Variants in VDAC1 observed in about 807,000 individuals in gnomAD.
VDAC1 encodes non-selective voltage-gated ion channel VDAC1.
A neutral mutation model predicts 34.7 loss-of-function variants in VDAC1; 10 were observed. The ratio of observed to expected loss-of-function variants is 0.29; its 90% confidence interval spans 0.18 to 0.49. VDAC1 has a LOEUF of 0.49. VDAC1 is among the 20% of genes least tolerant of loss of function. The pLI is 0.99. For synonymous variants in VDAC1, 130 were observed against 136.0 expected (o/e 0.96, Z 0.30); for missense variants, 230 against 347.9 (o/e 0.66, Z 2.69).
At chr5:133,990,751 A>G (rs769128061) in intron 5 of VDAC1, 104 bp downstream of exon 5, 8 of 1,372,334 alleles carry the variant, frequency 5.8e-6, no homozygotes, top group Non-Finnish European at 6.9e-6. Flanking sequence ...CTCGGAGACC[A>G]TATTTTAGGT....
chr5:133,972,965 C>A, intron 8 of VDAC1, 103 bp from the exon 9 acceptor site: 1 of 964,898 alleles, frequency 1.0e-6, no homozygotes, highest in Non-Finnish European at 1.6e-6. Flanking sequence ...GTATTATCAG[C>A]AGGGTCCAAA....
chr5:134,064,847 A>G, the VDAC1 span, among the ~76,000 whole-genome samples: 9 of 151,704 alleles, frequency 5.9e-5, no homozygotes, highest in African/African-American at 2.2e-4. Flanking sequence ...CCTCCCAAGT[A>G]GCTGGGACCC....
chr5:133,996,429 G>A (rs1365380861), intron 1 of VDAC1, among the ~76,000 whole-genome samples: 1 of 152,126 alleles, frequency 6.6e-6, no homozygotes, highest in Non-Finnish European at 1.5e-5. Context: ...GCACAGAGGG[G>A]AAGGATAGTG....
the VDAC1 span, among the ~76,000 whole-genome samples, chr5:134,099,037 A>G: frequency 6.6e-6 from 1 of 152,230 alleles, no homozygotes; most frequent in Non-Finnish European, 1.5e-5. Flanking sequence ...ATACTGGGTA[A>G]AATTCTGACA....
At chr5:134,114,062 G>A in the VDAC1 span, among the ~76,000 whole-genome samples, 3 of 152,180 alleles carry the variant, frequency 2.0e-5, no homozygotes, top group South Asian at 6.2e-4. Context: ...TGAGGGGCCC[G>A]TCACAGATGT....
At chr5:133,994,962 G>A (rs143932037) in intron 1 of VDAC1, among the ~76,000 whole-genome samples, 29 of 152,216 alleles carry the variant, frequency 1.9e-4, no homozygotes, top group African/African-American at 6.7e-4. Flanking sequence ...CAGAAGAGAC[G>A]CCTCCCAGAC....
chr5:134,102,262 TC>T, the VDAC1 span, among the ~76,000 whole-genome samples: 4 of 152,036 alleles, frequency 2.6e-5, no homozygotes, highest in South Asian at 2.1e-4. Flanking sequence ...CACAGGGTCA[TC>T]CGGGGCCAGT....
Position 133,980,819 on chromosome 5 carries a change from T to C in VDAC1, c.461A>G (p.Gln154Arg). 1 of 1,613,036 alleles carries C rather than the reference T, an allele frequency of 6.2e-7. No homozygotes were observed. Among genetic ancestry groups the C allele is most frequent in the Non-Finnish European group, 8.5e-7 (1 of 1,179,664 alleles). The change falls in exon 6 of 9, where the codon CAG becomes CGG. Residue 154 changes from glutamine (Q) to arginine (R), a missense_variant. Gln to Arg is a conservative substitution (Grantham distance 43). Transcript: ENST00000265333. ...LGYEGWLAGY[Q>R]MNFETAKSRV... ...GGATTTTGCAGTCTCAAAATTCATC[T>C]GGTAGCCGGCCAGCCAGCCCTCGTA...
chr5:134,113,805 G>A, the VDAC1 span, among the ~76,000 whole-genome samples: 1 of 152,252 alleles, frequency 6.6e-6, no homozygotes, highest in East Asian at 1.9e-4. Flanking sequence ...GGGTTAGAGG[G>A]TTAGTCAGGC....
chr5:134,090,830 AAC>A, the VDAC1 span, among the ~76,000 whole-genome samples: 4 of 152,332 alleles, frequency 2.6e-5, no homozygotes, highest in East Asian at 7.7e-4. Flanking sequence ...CACTTACAAT[AAC>A]AGTTTAAAGC....
the VDAC1 span, among the ~76,000 whole-genome samples, chr5:134,023,324 G>A: frequency 8.6e-5 from 13 of 151,898 alleles, no homozygotes; most frequent in Admixed American, 1.3e-4. Context: ...GGGGTCTGTC[G>A]GGGGGCAAGG....
At chr5:133,997,557 A>T (rs577700049) in intron 1 of VDAC1, among the ~76,000 whole-genome samples, 7 of 151,436 alleles carry the variant, frequency 4.6e-5, no homozygotes, top group East Asian at 1.9e-4. Context: ...AAAAATAAAA[A>T]AAAAAAATCA....
At chr5:134,019,807 G>T in the VDAC1 span, among the ~76,000 whole-genome samples, 1 of 152,300 alleles carries the variant, frequency 6.6e-6, no homozygotes, top group East Asian at 1.9e-4. Context: ...CACCTGGCCT[G>T]TCTGAGACCA....
At chr5:134,055,073 G>A in the VDAC1 span, among the ~76,000 whole-genome samples, 3 of 152,236 alleles carry the variant, frequency 2.0e-5, no homozygotes, top group Non-Finnish European at 2.9e-5. Flanking sequence ...AGGCAGGATG[G>A]CTGCCCTGGT....
At chr5:134,062,006 T>C in the VDAC1 span, among the ~76,000 whole-genome samples, 5,830 of 151,502 alleles carry the variant, frequency 0.038, 395 homozygotes, top group African/African-American at 0.13. Flanking sequence ...TGAGACAGAG[T>C]CTTGCTCTGT....
the VDAC1 span, among the ~76,000 whole-genome samples, chr5:134,029,839 C>T: frequency 4.6e-5 from 7 of 151,724 alleles, no homozygotes; most frequent in African/African-American, 1.7e-4. Context: ...TTCTGTATCA[C>T]GATTAGGTGG....
chr5:133,981,228 T>C (rs1207215757), intron 5 of VDAC1, among the ~76,000 whole-genome samples: 1 of 152,212 alleles, frequency 6.6e-6, no homozygotes, highest in East Asian at 1.9e-4. Flanking sequence ...TTTCTTCTCC[T>C]ATCCTCTTTG....
chr5:134,046,915 G>A, the VDAC1 span, among the ~76,000 whole-genome samples: 1 of 152,168 alleles, frequency 6.6e-6, no homozygotes, highest in African/African-American at 2.4e-5. Context: ...CCATTATGTG[G>A]CCTGTTTTGA....
At chr5:134,028,495 T>A in the VDAC1 span, among the ~76,000 whole-genome samples, 1 of 152,224 alleles carries the variant, frequency 6.6e-6, no homozygotes, top group East Asian at 1.9e-4. Flanking sequence ...TTGGTGATCA[T>A]CATTTATAAC....
Sources: allele counts gnomAD v4.1 joint callset (sites outside exome capture counted in the v4.1 genomes callset), GRCh38; gene constraint gnomAD v4.1.1; transcripts MANE v1.5; gene names NCBI Gene and HGNC (gene_info 2026-07-23, HGNC 2026-07-21).